Variants in PRKN observed in about 807,000 individuals in gnomAD.
PRKN encodes the protein E3 ubiquitin-protein ligase parkin.
PRKN carries 56 observed loss-of-function variants against 59.5 expected under a neutral mutation model. That is an observed-to-expected ratio of 0.94 (90% CI 0.76 to 1.18). The LOEUF (loss-of-function observed/expected upper bound fraction) is 1.18. PRKN is among the 50% of genes most tolerant of loss of function. PRKN has a pLI of 0.00. For synonymous variants in PRKN, 250 were observed against 222.1 expected, an observed-to-expected ratio of 1.13 and a Z score of -1.12; for missense variants, 657 against 596.4, an observed-to-expected ratio of 1.10 and a Z score of -1.06.
At chr6:161,824,503 T>C (rs927537293) in intron 6 of PRKN, among the ~76,000 whole-genome samples, 2 of 152,212 alleles carry the variant, frequency 1.3e-5, no homozygotes, top group Admixed American at 6.5e-5. Context: ...CTACAGTGAA[T>C]ATGGCAGTTA....
At chr6:162,181,188 C>T (rs192145834) in intron 4 of PRKN, among the ~76,000 whole-genome samples, 2 of 152,274 alleles carry the variant, frequency 1.3e-5, no homozygotes, top group East Asian at 3.9e-4. Context: ...CGTTCCAGTC[C>T]CAGGTCAGTT....
rs930004211 is a variant in PRKN, at chr6:161,588,091, T to G, written c.872-18675A>C. Among the ~76,000 whole-genome samples the G allele has an allele frequency of 3.3e-5, 5 of 152,084 alleles. No homozygotes were observed. Among genetic ancestry groups the G allele is most frequent in the Non-Finnish European group, 5.9e-5 (4 of 68,004 alleles). ...AGCGTTAATTATTAGGATTAAAAAT[T>G]TACTCTATGGGGGGCTGGGCGCGGT... On this transcript the variant is annotated intron_variant, in intron 7 of 11. Transcript: ENST00000366898. This position sits in a 1 kb window ranked among gnomAD's most constrained non-coding sequence, Gnocchi z 5.0.
chr6:161,998,693 C>A (rs547593204), intron 5 of PRKN, among the ~76,000 whole-genome samples: 1 of 152,046 alleles, frequency 6.6e-6, no homozygotes, highest in South Asian at 2.1e-4. Flanking sequence ...GAAGTTTCAG[C>A]GAATTGCCTG....
intron 7 of PRKN, among the ~76,000 whole-genome samples, chr6:161,653,462 C>G (rs1003202674): frequency 6.6e-6 from 1 of 152,168 alleles, no homozygotes; most frequent in African/African-American, 2.4e-5. Flanking sequence ...GGCATGCTCC[C>G]TCATTGAAAA....
chr6:162,374,410 TTTAG>T (rs1241980438), intron 2 of PRKN, among the ~76,000 whole-genome samples: 1 of 151,552 alleles, frequency 6.6e-6, no homozygotes, highest in Admixed American at 6.6e-5. Flanking sequence ...TTTTTTAAGT[TTTAG>T]TTTGTTTATG....
intron 6 of PRKN, among the ~76,000 whole-genome samples, chr6:161,919,104 C>G (rs1246698629): frequency 6.6e-6 from 1 of 152,150 alleles, no homozygotes; most frequent in Non-Finnish European, 1.5e-5. Flanking sequence ...GTGTAACTCA[C>G]AATAACAACG....
Position 162,011,060 on chromosome 6 carries a change from A to G in PRKN, c.619-37643T>C, listed in dbSNP as rs1193633465. On this transcript the variant is annotated intron_variant, in intron 5 of 11. Transcript: ENST00000366898. ...AATATATATTTATAATATATATTAT[A>G]ATATATAATATATTTATAATATATA... Among the ~76,000 whole-genome samples the G allele has an allele frequency of 1.5e-4, 2 of 13,678 alleles. 1 individual carries two copies. Among genetic ancestry groups the G allele is most frequent in the South Asian group, 5.6e-3 (2 of 354 alleles). 9.0% of individuals were successfully genotyped at this position (13,678 alleles called of 152,430 possible).
chr6:161,582,179 G>A lies in PRKN; in HGVS notation c.872-12763C>T, dbSNP rs1404559926. On this transcript the variant is annotated intron_variant, in intron 7 of 11. Coordinates refer to ENST00000366898, the MANE Select transcript of PRKN (RefSeq NM_004562.3). The surrounding 1 kb of genome is among the most constrained non-coding windows in gnomAD (Gnocchi z 4.4). ...CTCACAGAAAGTAACAGTTTTAAAG[G>A]AGATATTTTAAAAGGTAGAATTTCC... Among the ~76,000 whole-genome samples the A allele has an allele frequency of 2.0e-5, 3 of 152,134 alleles. No individual in the cohort carries two copies. The highest frequency in any genetic ancestry group is 2.9e-5 in the Non-Finnish European group (2 of 68,034).
intron 1 of PRKN, among the ~76,000 whole-genome samples, chr6:162,450,729 A>G (rs1453320929): frequency 6.6e-6 from 1 of 152,200 alleles, no homozygotes; most frequent in Non-Finnish European, 1.5e-5. Flanking sequence ...ATCCAAAACA[A>G]GAACAGTCTT....
intron 4 of PRKN, among the ~76,000 whole-genome samples, chr6:162,084,252 A>G (rs1344551471): frequency 6.6e-6 from 1 of 152,168 alleles, no homozygotes; most frequent in Admixed American, 6.5e-5. Context: ...CACCAAACCA[A>G]TGTGTACTGT....
intron 7 of PRKN, among the ~76,000 whole-genome samples, chr6:161,769,484 T>C (rs1363201724): frequency 2.6e-5 from 4 of 152,166 alleles, no homozygotes; most frequent in South Asian, 4.1e-4. Context: ...CCTTGGAAGC[T>C]GGGCTCCCAG....
intron 2 of PRKN, among the ~76,000 whole-genome samples, chr6:162,303,488 T>A (rs1782057732): frequency 6.6e-6 from 1 of 152,196 alleles, no homozygotes; most frequent in Non-Finnish European, 1.5e-5. Flanking sequence ...TATGCATCTA[T>A]GAACTTCTTG....
rs2115171646 is a variant in PRKN at position 161,463,664 on chromosome 6, A to C, written c.1084-76787T>G. 6.6e-6 allele frequency among the ~76,000 whole-genome samples: 1 copy of C among 152,350 alleles called. No homozygotes were observed. The highest frequency in any genetic ancestry group is 2.1e-4 in the South Asian group (1 of 4,822). On this transcript the variant is annotated intron_variant, in intron 9 of 11. Transcript: ENST00000366898. The surrounding 1 kb of genome is among the most constrained non-coding windows in gnomAD (Gnocchi z 4.8). ...CCAAAGTTTTGATTCAGCATGAATG[A>C]GAAATTCAATGTACTATAAGCTGGA... is the stretch of plus-strand genomic sequence containing the variant.
chr6:162,380,483 G>GTATA (rs1309288812), intron 2 of PRKN, among the ~76,000 whole-genome samples: 4 of 29,854 alleles, frequency 1.3e-4, no homozygotes, highest in Admixed American at 3.3e-4. Flanking sequence ...GTATATATAT[G>GTATA]TATATATACA....
intron 3 of PRKN, among the ~76,000 whole-genome samples, chr6:162,205,521 A>G (rs533399070): frequency 6.6e-6 from 1 of 152,190 alleles, no homozygotes; most frequent in East Asian, 1.9e-4. Flanking sequence ...TTTGTTTTCT[A>G]GGTGGGGAGA....
At chr6:161,490,360 C>CCT (rs1216539933) in intron 9 of PRKN, among the ~76,000 whole-genome samples, 4 of 141,602 alleles carry the variant, frequency 2.8e-5, no homozygotes, top group Non-Finnish European at 6.2e-5. Flanking sequence ...TCTCTCTCTC[C>CCT]CTCTCTCTCT....
At chr6:161,800,974 T>A (rs1791051183) in intron 6 of PRKN, among the ~76,000 whole-genome samples, 2 of 152,312 alleles carry the variant, frequency 1.3e-5, no homozygotes, top group South Asian at 4.1e-4. Flanking sequence ...CACTGCCTAA[T>A]GCTGGGCCTG....
chr6:161,997,501 G>C (rs6455791), intron 5 of PRKN, among the ~76,000 whole-genome samples: 5,078 of 151,772 alleles, frequency 0.033, 142 homozygotes, highest in Middle Eastern at 0.065. Context: ...CTTTTCCCCA[G>C]TCACCTAACT....
rs572467602 is a variant in PRKN at position 161,429,596 on chromosome 6, C to T, written c.1084-42719G>A. On this transcript the variant is annotated intron_variant, in intron 9 of 11. Transcript: ENST00000366898. The surrounding 1 kb of genome is among the most constrained non-coding windows in gnomAD (Gnocchi z 4.2). ...GAACTAGAAGAACCTGGATGTGAAG[C>T]GGGAGGGCCAGGGAGGCCACGGAGA... Among the ~76,000 whole-genome samples the T allele has an allele frequency of 5.3e-5, 8 of 151,986 alleles. No homozygotes were observed. The highest frequency in any genetic ancestry group is 3.9e-4 in the East Asian group (2 of 5,180).
Sources: gnomAD v4.1 joint callset for allele counts (sites outside exome capture counted in the v4.1 genomes callset) on GRCh38, gnomAD v4.1.1 for gene constraint, Gnocchi (gnomAD v3.1) non-coding constraint, MANE v1.5 for transcripts, NCBI Gene and HGNC (gene_info 2026-07-23, HGNC 2026-07-21) for gene names.